ZNF521: variants seen among roughly 807,000 people sequenced by gnomAD.
The protein encoded by ZNF521 is LYST-interacting protein 3.
ZNF521 carries 14 observed loss-of-function variants against 105.5 expected under a neutral mutation model. The ratio of observed to expected loss-of-function variants is 0.13; its 90% CI spans 0.09 to 0.21. The LOEUF (loss-of-function observed/expected upper bound fraction) is 0.21. ZNF521 is among the 10% of genes least tolerant of loss of function. The pLI, the probability that ZNF521 is intolerant of heterozygous loss-of-function variation, is 1.00. For synonymous variants in ZNF521, 635 were observed against 606.0 expected (o/e 1.05, Z -0.70); for missense variants, 1,233 against 1,629.7 (o/e 0.76, Z 4.19).
At chr18:25,077,660 T>C (rs958764564) in intron 7 of ZNF521, among the ~76,000 whole-genome samples, 2 of 152,128 alleles carry the variant, frequency 1.3e-5, no homozygotes, top group Non-Finnish European at 2.9e-5. Context: ...TGCTAAACAA[T>C]GCCGCACCAA....
At chr18:25,157,815 G>C (rs1280933211) in intron 5 of ZNF521, among the ~76,000 whole-genome samples, 1 of 151,748 alleles carries the variant, frequency 6.6e-6, no homozygotes, top group Non-Finnish European at 1.5e-5. Context: ...CAATGGTGCT[G>C]TGTTGGCTCA....
At chr18:25,274,512 T>C (rs1909909297) in intron 3 of ZNF521, among the ~76,000 whole-genome samples, 1 of 152,128 alleles carries the variant, frequency 6.6e-6, no homozygotes, top group Non-Finnish European at 1.5e-5. Context: ...GGCATATGAA[T>C]AAAATTTCAC....
intron 7 of ZNF521, among the ~76,000 whole-genome samples, chr18:25,079,676 G>GA (rs1426853359): frequency 6.6e-6 from 1 of 151,936 alleles, no homozygotes; most frequent in African/African-American, 2.4e-5. Context: ...ATGGTGGGGG[G>GA]GACGCAGGGT....
intron 5 of ZNF521, among the ~76,000 whole-genome samples, chr18:25,184,344 G>A (rs150345836): frequency 6.6e-5 from 10 of 152,174 alleles, no homozygotes; most frequent in African/African-American, 2.2e-4. Context: ...ATATAATATA[G>A]ACTAATTTAA....
At chr18:25,245,007 T>C (rs545857339) in intron 3 of ZNF521, among the ~76,000 whole-genome samples, 3 of 152,362 alleles carry the variant, frequency 2.0e-5, no homozygotes, top group South Asian at 4.1e-4. Context: ...TTTTGGGAGA[T>C]AATCTATTTA....
intron 3 of ZNF521, among the ~76,000 whole-genome samples, chr18:25,278,478 T>C (rs1229670470): frequency 6.6e-6 from 1 of 152,202 alleles, no homozygotes; most frequent in African/African-American, 2.4e-5. Flanking sequence ...GACCCTCCAC[T>C]AGCTGTGCCC....
chr18:25,317,234 C>G (rs867810001), intron 3 of ZNF521, among the ~76,000 whole-genome samples: 1 of 151,922 alleles, frequency 6.6e-6, no homozygotes, highest in East Asian at 1.9e-4. Flanking sequence ...AAGCTTCAGA[C>G]CAAAATAAAC....
At position 25,228,881 on chromosome 18, in the gene ZNF521, A is replaced by G. The variant is rs145944051; in HGVS notation, c.221-1184T>C. Among the ~76,000 whole-genome samples, 479 of 152,272 alleles carry G rather than the reference A, an allele frequency of 3.1e-3. 3 individuals carry two copies. Among genetic ancestry groups the G allele is most frequent in the African/African-American group, 0.011 (451 of 41,566 alleles). On this transcript the variant is annotated intron_variant, in intron 3 of 7. Coordinates refer to ENST00000361524, the MANE Select transcript of ZNF521 (RefSeq NM_015461.3). Reference sequence around the variant, plus strand: ...TTGTGAAACCTCTTTTTTGCTTTTCATAACCTATTATTCAAGATCAGAAGA... The same window carrying G: ...TTGTGAAACCTCTTTTTTGCTTTTCGTAACCTATTATTCAAGATCAGAAGA...
chr18:25,348,080 C>T (rs1433300933), intron 2 of ZNF521, among the ~76,000 whole-genome samples: 2 of 152,134 alleles, frequency 1.3e-5, no homozygotes, highest in African/African-American at 4.8e-5. Flanking sequence ...TAATTGCAAA[C>T]CTATTAATCA....
intron 5 of ZNF521, among the ~76,000 whole-genome samples, chr18:25,160,137 T>A (rs1012156917): frequency 6.6e-6 from 1 of 152,200 alleles, no homozygotes; most frequent in African/African-American, 2.4e-5. Flanking sequence ...GGATTAGCCA[T>A]CAGGGGGTTA....
At chr18:25,349,768 A>C (rs2145236466) in intron 2 of ZNF521, among the ~76,000 whole-genome samples, 1 of 150,398 alleles carries the variant, frequency 6.6e-6, no homozygotes, top group East Asian at 2.0e-4. Flanking sequence ...GGCCGCGCGG[A>C]CCTCGGCGGG....
chr18:25,245,716 A>G (rs909378677), intron 3 of ZNF521, among the ~76,000 whole-genome samples: 1 of 152,190 alleles, frequency 6.6e-6, no homozygotes, highest in Admixed American at 6.5e-5. Context: ...TTACATTTTT[A>G]AAATGCTTGT....
chr18:25,322,764 T>G (rs1373262716), intron 2 of ZNF521, among the ~76,000 whole-genome samples: 2 of 152,182 alleles, frequency 1.3e-5, no homozygotes, highest in Non-Finnish European at 2.9e-5. Context: ...TGGCAAAACA[T>G]TCTTACAAAT....
chr18:25,119,154 A>C (rs941078301), intron 5 of ZNF521, among the ~76,000 whole-genome samples: 1 of 152,188 alleles, frequency 6.6e-6, no homozygotes, highest in Non-Finnish European at 1.5e-5. Context: ...TAATCTTAAC[A>C]ATTATGGATA....
intron 5 of ZNF521, among the ~76,000 whole-genome samples, chr18:25,190,424 C>A (rs914796703): frequency 2.6e-5 from 4 of 152,088 alleles, no homozygotes; most frequent in African/African-American, 9.7e-5. Context: ...TCTTTTGAAA[C>A]CAGTCGGTGA....
intron 3 of ZNF521, among the ~76,000 whole-genome samples, chr18:25,271,549 A>G (rs537580683): frequency 2.4e-4 from 36 of 152,120 alleles, no homozygotes; most frequent in Non-Finnish European, 5.0e-4. Context: ...AAAGCAGCAT[A>G]GTACTGGTAC....
intron 3 of ZNF521, among the ~76,000 whole-genome samples, chr18:25,289,921 T>C (rs867528744): frequency 7.9e-5 from 12 of 152,230 alleles, no homozygotes; most frequent in African/African-American, 2.4e-4. Context: ...AAAATATCCT[T>C]TTAATAAGCC....
At position 25,113,035 on chromosome 18, in the gene ZNF521, T is replaced by C. The variant is rs530513301; in HGVS notation, c.3659-20954A>G. Among the ~76,000 whole-genome samples, 37 of 150,274 alleles carry C rather than the reference T, an allele frequency of 2.5e-4. No individual in the cohort carries two copies. The Admixed American group carries it at 2.5e-3, about 10-fold the overall frequency. The stretch of plus-strand genomic sequence containing the variant: ...GTCTAACCTTTTTTTTTTTCCTCTT[T>C]GCACCATGCTGGCCATTCTAATGAA... On this transcript the variant is annotated intron_variant, in intron 5 of 7. Coordinates refer to ENST00000361524, the MANE Select transcript of ZNF521 (RefSeq NM_015461.3).
At chr18:25,221,338 C>T (rs2144717841) in intron 4 of ZNF521, among the ~76,000 whole-genome samples, 1 of 152,214 alleles carries the variant, frequency 6.6e-6, no homozygotes, top group South Asian at 2.1e-4. Flanking sequence ...TAGTACTTAT[C>T]CTCCCCAGAT....
Sources: gnomAD v4.1 joint callset for allele counts (sites outside exome capture counted in the v4.1 genomes callset) on GRCh38, gnomAD v4.1.1 for gene constraint, MANE v1.5 for transcripts, NCBI Gene and HGNC (gene_info 2026-07-23, HGNC 2026-07-21) for gene names.